The following TENM1 variants were observed in gnomAD, a reference collection of about 807,000 sequenced individuals.
The protein encoded by TENM1 is teneurin transmembrane protein 1.
A neutral mutation model predicts 174.8 loss-of-function variants in TENM1; 35 were observed. The ratio of observed to expected loss-of-function variants is 0.20; its 90% confidence interval spans 0.15 to 0.27. The LOEUF is 0.27. Among genes scored for constraint, TENM1 ranks in the 10% least tolerant of loss-of-function variants. TENM1 has a pLI of 1.00. For missense variants in TENM1, 1,633 were observed against 2,130.1 expected, an observed-to-expected ratio of 0.77 and a Z score of 4.59; for synonymous variants, 781 against 798.7, an observed-to-expected ratio of 0.98 and a Z score of 0.37.
chrX:125,170,900 C>A, the TENM1 span, among the ~76,000 whole-genome samples: 1 of 111,212 alleles, frequency 9.0e-6, no homozygotes, highest in East Asian at 2.8e-4. Context: ...CGCTTCCCTA[C>A]CTTTTCTGAT....
At chrX:124,960,715 C>G (rs750665153) in intron 1 of TENM1, among the ~76,000 whole-genome samples, 2 of 111,630 alleles carry the variant, frequency 1.8e-5, no homozygotes, top group South Asian at 7.6e-4. Context: ...TTTCTACTCA[C>G]AATATATTAG....
chrX:124,729,026 G>C (rs950322426), intron 4 of TENM1, among the ~76,000 whole-genome samples: 16 of 112,388 alleles, frequency 1.4e-4, no homozygotes, highest in Non-Finnish European at 1.3e-4. Context: ...ATTGTTACTA[G>C]TACTAAACCA....
chrX:124,472,419 G>A (rs1023885342), intron 22 of TENM1, among the ~76,000 whole-genome samples: 8 of 91,338 alleles, frequency 8.8e-5, no homozygotes, highest in Non-Finnish European at 1.5e-4. Flanking sequence ...AAACCCAGAA[G>A]CTGTCTTTAT....
At position 124,563,510 on chromosome X, in the gene TENM1, A is replaced by G. The variant is rs2048870798; in HGVS notation, c.2287+239T>C. Among the ~76,000 whole-genome samples the G allele has an allele frequency of 2.7e-5, 3 of 110,152 alleles. No homozygotes were observed. In the South Asian group the frequency reaches 1.2e-3, roughly 42 times the overall value. Reference sequence around the variant, plus strand: ...ATAAAGACAAGAAAAAGTAGTCCTTAAAACTGCTTATCAGTCCATTCTATA... The same window carrying G: ...ATAAAGACAAGAAAAAGTAGTCCTTGAAACTGCTTATCAGTCCATTCTATA... On this transcript the variant is annotated intron_variant, in intron 13 of 31. Transcript: ENST00000422452.
the TENM1 span, among the ~76,000 whole-genome samples, chrX:125,034,211 G>A: frequency 1.8e-5 from 2 of 111,687 alleles, no homozygotes; most frequent in Non-Finnish European, 3.8e-5. Flanking sequence ...TTCAGGAAAA[G>A]CAACAAATCT....
chrX:124,852,652 G>A (rs1484494562), intron 3 of TENM1, among the ~76,000 whole-genome samples: 1 of 110,849 alleles, frequency 9.0e-6, no homozygotes, highest in Non-Finnish European at 1.9e-5. Context: ...TATGCAGTTA[G>A]AAACGTTCTG....
the TENM1 span, among the ~76,000 whole-genome samples, chrX:125,150,561 A>G: frequency 8.9e-6 from 1 of 112,044 alleles, no homozygotes; most frequent in Non-Finnish European, 1.9e-5. Context: ...CATTAAACAT[A>G]CATGTGGCCA....
chrX:124,433,361 C>T (rs1268455995), intron 23 of TENM1, among the ~76,000 whole-genome samples: 1 of 111,881 alleles, frequency 8.9e-6, no homozygotes, highest in Non-Finnish European at 1.9e-5. Context: ...TCCACTAGGG[C>T]AGTGTTAAGG....
At chrX:124,864,350 T>A (rs1311705994) in intron 3 of TENM1, among the ~76,000 whole-genome samples, 3 of 111,331 alleles carry the variant, frequency 2.7e-5, no homozygotes, top group Non-Finnish European at 5.7e-5. Flanking sequence ...AAATTCAAGA[T>A]AACAAAAAGA....
At chrX:124,934,156 A>G (rs1603282193) in intron 1 of TENM1, among the ~76,000 whole-genome samples, 1 of 112,042 alleles carries the variant, frequency 8.9e-6, no homozygotes, top group Admixed American at 9.5e-5. Flanking sequence ...TTGGAGATAT[A>G]TCTGTCTACA....
intron 4 of TENM1, among the ~76,000 whole-genome samples, chrX:124,711,098 T>C: frequency 8.9e-6 from 1 of 111,916 alleles, no homozygotes; most frequent in East Asian, 2.8e-4. Flanking sequence ...TTCAAGAGTT[T>C]ATGTGTAAGT....
intron 11 of TENM1, among the ~76,000 whole-genome samples, chrX:124,614,229 C>T (rs191041974): frequency 1.7e-3 from 187 of 111,347 alleles, no homozygotes; most frequent in African/African-American, 5.9e-3. Flanking sequence ...TATTTTTGCT[C>T]TATGTTCCAC....
At chrX:124,548,882 C>T (rs190335784) in intron 14 of TENM1, among the ~76,000 whole-genome samples, 2 of 111,758 alleles carry the variant, frequency 1.8e-5, no homozygotes, top group East Asian at 2.8e-4. Context: ...AATATTTTTC[C>T]CCACATGTGG....
At chrX:124,503,684 A>G (rs781433663) in exon 19 of TENM1, 2 of 1,201,550 alleles carry the variant, frequency 1.7e-6, no homozygotes, top group Middle Eastern at 2.3e-4. Context: ...GGCACGTTTC[A>G]TATTCATATC....
At chrX:124,638,986 T>C (rs923622284) in intron 11 of TENM1, among the ~76,000 whole-genome samples, 4 of 111,678 alleles carry the variant, frequency 3.6e-5, no homozygotes, top group African/African-American at 1.3e-4. Flanking sequence ...CTTCTCACCA[T>C]CATGCTCCTT....
At chrX:125,012,708 C>A in the TENM1 span, among the ~76,000 whole-genome samples, 1 of 111,584 alleles carries the variant, frequency 9.0e-6, no homozygotes, top group South Asian at 3.7e-4. Context: ...ATGCGCACTA[C>A]ATTTAATGTG....
the TENM1 span, among the ~76,000 whole-genome samples, chrX:125,036,454 T>C: frequency 9.0e-6 from 1 of 111,692 alleles, no homozygotes. Flanking sequence ...AGGGGAGACA[T>C]AAAGACAAAG....
chrX:124,768,109 G>A (rs1045122265), intron 3 of TENM1, among the ~76,000 whole-genome samples: 1 of 111,391 alleles, frequency 9.0e-6, no homozygotes, highest in African/African-American at 3.3e-5. Context: ...AAGTGTGAAC[G>A]TCAATTTATC....
At chrX:124,789,660 C>A (rs1446348151) in intron 3 of TENM1, among the ~76,000 whole-genome samples, 1 of 111,193 alleles carries the variant, frequency 9.0e-6, no homozygotes, top group Non-Finnish European at 1.9e-5. Context: ...CATCTTAGAT[C>A]CAGTTCCCAC....
Sources: gnomAD v4.1 joint callset for allele counts (sites outside exome capture counted in the v4.1 genomes callset) on GRCh38, gnomAD v4.1.1 for gene constraint, MANE v1.5 for transcripts, NCBI Gene and HGNC (gene_info 2026-07-23, HGNC 2026-07-21) for gene names.